Variants in HTT observed in about 807,000 individuals in gnomAD.
The protein encoded by HTT is huntington disease protein.
In HTT, 104 loss-of-function variants were observed where a neutral mutation model predicts 362.3. That is an observed-to-expected ratio of 0.29 (90% CI 0.24 to 0.34). The LOEUF (loss-of-function observed/expected upper bound fraction) is 0.34, where lower values mean the gene tolerates loss of function less well. HTT is among the 10% of genes least tolerant of loss of function. The pLI is 1.00. For missense variants in HTT, 3,301 were observed against 3,928.6 expected (o/e 0.84, Z 4.27); for synonymous variants, 1,577 against 1,548.7 (o/e 1.02, Z -0.43).
At chr4:3,079,283 G>A (rs979804543) in intron 1 of HTT, among the ~76,000 whole-genome samples, 1 of 147,486 alleles carries the variant, frequency 6.8e-6, no homozygotes, top group Non-Finnish European at 1.5e-5. Flanking sequence ...GGGGGGCAAG[G>A]TCTTGCTCTT....
At chr4:3,107,912 G>A (rs1383715348) in intron 6 of HTT, among the ~76,000 whole-genome samples, 1 of 152,232 alleles carries the variant, frequency 6.6e-6, no homozygotes, top group Non-Finnish European at 1.5e-5. Flanking sequence ...ATGCTCTACA[G>A]ATTACAGGAT....
rs576712084 is a variant in HTT at position 3,218,001 on chromosome 4, G to A, written c.7242+49G>A. On this transcript the variant is annotated intron_variant, in intron 52 of 66. Coordinates refer to ENST00000355072, the MANE Select transcript of HTT (RefSeq NM_001388492.1). The surrounding 1 kb of genome is among the most constrained non-coding windows in gnomAD (Gnocchi z 4.4). ...AAGACCAAGTACGGTGAAAGGCACC[G>A]GTAGGCCCTGGGCTGGGCACACGTG... is the stretch of plus-strand genomic sequence containing the variant. 54 of 1,503,106 alleles carry A rather than the reference G, an allele frequency of 3.6e-5. No individual in the cohort carries two copies. Among genetic ancestry groups the A allele is most frequent in the African/African-American group, 5.5e-5 (4 of 73,102 alleles). 93.1% of individuals were successfully genotyped at this position (1,503,106 alleles called of 1,614,324 possible). A position where few individuals can be genotyped will look rare whatever the true frequency, so the allele number is the denominator to read the frequency against.
chr4:3,079,671 A>G (rs1259327271), intron 1 of HTT, among the ~76,000 whole-genome samples: 2 of 152,200 alleles, frequency 1.3e-5, no homozygotes, highest in African/African-American at 4.8e-5. Flanking sequence ...AGATATTGGC[A>G]TTTATGTGAG....
chr4:3,203,452 C>T (rs58873989), intron 41 of HTT, among the ~76,000 whole-genome samples: 2,880 of 152,138 alleles, frequency 0.019, 93 homozygotes, highest in African/African-American at 0.066. Flanking sequence ...ATAATTCCCA[C>T]GTATTCAAAA....
chr4:3,160,519 G>A (rs1717388840), intron 29 of HTT, 127 bp downstream of exon 29: 7 of 682,234 alleles, frequency 1.0e-5, no homozygotes, highest in African/African-American at 1.8e-5. Flanking sequence ...CCTGCCCCAC[G>A]TGCTTGCGTC....
intron 1 of HTT, among the ~76,000 whole-genome samples, chr4:3,079,762 A>G (rs113674085): frequency 0.018 from 2,733 of 152,316 alleles, 37 homozygotes; most frequent in Non-Finnish European, 0.028. Context: ...CTGGCTGACA[A>G]CAGAGTGAAG....
intron 40 of HTT, among the ~76,000 whole-genome samples, chr4:3,198,248 T>TA (rs1719361666): frequency 8.3e-6 from 1 of 120,074 alleles, no homozygotes; most frequent in Non-Finnish European, 1.7e-5. Flanking sequence ...TTTTTTGAGA[T>TA]AGAGTCTCGC....
intron 29 of HTT, among the ~76,000 whole-genome samples, chr4:3,170,670 C>T (rs918151584): frequency 6.6e-6 from 1 of 152,200 alleles, no homozygotes; most frequent in Non-Finnish European, 1.5e-5. Flanking sequence ...GGTTGCCTGT[C>T]CCTCCTCCTT....
intron 21 of HTT, among the ~76,000 whole-genome samples, chr4:3,137,572 G>A (rs904870363): frequency 6.6e-6 from 1 of 152,166 alleles, no homozygotes; most frequent in Non-Finnish European, 1.5e-5. Flanking sequence ...GGTGGCACAC[G>A]CCTGTAATCC....
chr4:3,236,654 G>A, intron 64 of HTT, among the ~76,000 whole-genome samples: 1 of 152,168 alleles, frequency 6.6e-6, no homozygotes. Flanking sequence ...GGGGCTGTGG[G>A]AGGGGGGCCG....
chr4:3,232,416 C>T (rs1721299227), intron 60 of HTT, among the ~76,000 whole-genome samples: 1 of 152,222 alleles, frequency 6.6e-6, no homozygotes, highest in Non-Finnish European at 1.5e-5. Context: ...TCCTTGCTGA[C>T]TTCTGCAGGG....
rs369089042 is a variant in HTT at position 3,235,679 on chromosome 4, G to T, written c.8686G>T (p.Ala2896Ser). Residue 2896 changes from alanine to serine, a missense_variant, in exon 63 of 67, where the codon GCA (alanine) becomes TCA (serine). Ala to Ser is a moderately conservative substitution (Grantham distance 99, BLOSUM62 1). Coordinates refer to ENST00000355072, the MANE Select transcript of HTT (RefSeq NM_001388492.1). ...CTCTGAGCAGCTCTCCCGCCTGGAT[G>T]CAGAATCGCTGGTCAAGCTGAGTGT... Reference protein sequence around the residue: ...LLSEQLSRLDAESLVKLSVDR... With the variant: ...LLSEQLSRLDSESLVKLSVDR... 10 of 1,613,520 alleles carry T rather than the reference G, an allele frequency of 6.2e-6. No homozygotes were observed. Among genetic ancestry groups the T allele is most frequent in the African/African-American group, 1.3e-5 (1 of 74,944 alleles).
intron 27 of HTT, among the ~76,000 whole-genome samples, chr4:3,155,169 T>C (rs1717080206): frequency 2.0e-5 from 3 of 152,002 alleles, no homozygotes; most frequent in Admixed American, 2.0e-4. Context: ...GGTTCTCCCA[T>C]TTGTTTTGTG....
intron 8 of HTT, among the ~76,000 whole-genome samples, chr4:3,117,294 A>G (rs1316052747): frequency 6.6e-6 from 1 of 152,170 alleles, no homozygotes; most frequent in Non-Finnish European, 1.5e-5. Flanking sequence ...GGGTGTAGCC[A>G]TGGTAATAAT....
At chr4:3,084,620 G>T (rs1713101288) in intron 1 of HTT, among the ~76,000 whole-genome samples, 1 of 151,688 alleles carries the variant, frequency 6.6e-6, no homozygotes, top group African/African-American at 2.4e-5. Context: ...AACCCGAGGG[G>T]CAGAGGTTGC....
At chr4:3,106,093 G>A (rs1480468299) in intron 5 of HTT, among the ~76,000 whole-genome samples, 1 of 152,144 alleles carries the variant, frequency 6.6e-6, no homozygotes, top group African/African-American at 2.4e-5. Context: ...TATATGGGTC[G>A]GGCATAGTGG....
At chr4:3,209,249 C>T (rs545718677) in intron 46 of HTT, among the ~76,000 whole-genome samples, 7 of 152,294 alleles carry the variant, frequency 4.6e-5, no homozygotes, top group African/African-American at 1.7e-4. Context: ...CTTCTGGCCA[C>T]CTGTGAGTTG....
At chr4:3,084,953 G>T (rs2906962) in intron 1 of HTT, among the ~76,000 whole-genome samples, 1 of 151,710 alleles carries the variant, frequency 6.6e-6, no homozygotes, top group Non-Finnish European at 1.5e-5. Context: ...GGCAGAGCTG[G>T]CAGTGAGCTG....
intron 13 of HTT, 71 bp from the exon 14 acceptor site, chr4:3,130,234 C>T: frequency 9.1e-7 from 1 of 1,097,498 alleles, no homozygotes; most frequent in East Asian, 2.5e-5. Context: ...TTTGAGTTAT[C>T]TTAGCATAAA....
Sources: allele counts gnomAD v4.1 joint callset (sites outside exome capture counted in the v4.1 genomes callset), GRCh38; gene constraint gnomAD v4.1.1; non-coding constraint Gnocchi (gnomAD v3.1); transcripts MANE v1.5; gene names NCBI Gene and HGNC (gene_info 2026-07-23, HGNC 2026-07-21).